The following PTPRN2 variants were observed in gnomAD, a reference collection of about 807,000 sequenced individuals.
PTPRN2 encodes the protein protein tyrosine phosphatase receptor type N2, also known as receptor-type tyrosine-protein phosphatase N2.
PTPRN2 carries 74 observed loss-of-function variants against 118.8 expected under a neutral mutation model. The ratio of observed to expected loss-of-function variants is 0.62; its 90% CI spans 0.52 to 0.76. The LOEUF (loss-of-function observed/expected upper bound fraction) is 0.76. Ranked by LOEUF, PTPRN2 falls within the 30% of genes least tolerant of loss-of-function variation. The pLI is 0.00. For missense variants in PTPRN2, 1,481 were observed against 1,394.4 expected (o/e 1.06, Z -0.99); for synonymous variants, 641 against 608.0 (o/e 1.05, Z -0.80).
intron 6 of PTPRN2, among the ~76,000 whole-genome samples, chr7:158,148,772 C>T (rs1820501378): frequency 1.0e-5 from 1 of 96,094 alleles, no homozygotes; most frequent in African/African-American, 4.2e-5. Context: ...GTGTCTTTCC[C>T]CCTCAATGAC....
At chr7:158,435,246 A>C (rs1816496857) in intron 2 of PTPRN2, among the ~76,000 whole-genome samples, 1 of 152,226 alleles carries the variant, frequency 6.6e-6, no homozygotes, top group Non-Finnish European at 1.5e-5. Context: ...GCTGCAACCC[A>C]ATAACCAAAA....
chr7:157,922,177 A>C (rs1798726808), intron 11 of PTPRN2, among the ~76,000 whole-genome samples: 1 of 152,206 alleles, frequency 6.6e-6, no homozygotes, highest in South Asian at 2.1e-4. Flanking sequence ...CTGCAGTGAA[A>C]CTTTCAGGAG....
chr7:158,055,739 C>T (rs1809733782), intron 11 of PTPRN2, among the ~76,000 whole-genome samples: 1 of 152,234 alleles, frequency 6.6e-6, no homozygotes, highest in Non-Finnish European at 1.5e-5. Context: ...CCTTACCTAT[C>T]ACTGGAGATG....
chr7:157,844,908 TTTG>T (rs747969715), intron 12 of PTPRN2, among the ~76,000 whole-genome samples: 1 of 152,170 alleles, frequency 6.6e-6, no homozygotes, highest in Non-Finnish European at 1.5e-5. Context: ...CTTTGTCTCT[TTTG>T]TTTTGTTATT....
At chr7:157,997,969 T>C (rs1475469341) in intron 11 of PTPRN2, among the ~76,000 whole-genome samples, 2 of 23,976 alleles carry the variant, frequency 8.3e-5, no homozygotes, top group African/African-American at 3.7e-4. Flanking sequence ...GAGAGGAGTG[T>C]GGGGCTGGGG....
intron 5 of PTPRN2, among the ~76,000 whole-genome samples, chr7:158,191,439 G>T (rs1335191476): frequency 6.6e-6 from 1 of 151,196 alleles, no homozygotes; most frequent in East Asian, 1.9e-4. Context: ...TGTCCCCAGG[G>T]CCATCCTGGG....
chr7:158,334,589 A>T (rs1805216318), intron 2 of PTPRN2, among the ~76,000 whole-genome samples: 1 of 107,740 alleles, frequency 9.3e-6, no homozygotes. Flanking sequence ...GGTCACTCAC[A>T]CCCACACTCT....
chr7:158,344,328 G>C (rs761540513), intron 2 of PTPRN2, among the ~76,000 whole-genome samples: 2 of 152,140 alleles, frequency 1.3e-5, no homozygotes, highest in Non-Finnish European at 2.9e-5. Flanking sequence ...GGATGGGGCT[G>C]AGCCATCATC....
chr7:157,898,558 A>G, intron 12 of PTPRN2, 115 bp downstream of exon 12: 1 of 1,108,826 alleles, frequency 9.0e-7, no homozygotes, highest in South Asian at 1.3e-5. Flanking sequence ...CCTCCCAGGA[A>G]AACAGGACCT....
At chr7:157,765,749 CCTT>C in intron 12 of PTPRN2, among the ~76,000 whole-genome samples, 1 of 148,990 alleles carries the variant, frequency 6.7e-6, no homozygotes, top group East Asian at 2.1e-4. Context: ...ATCCATCCAT[CCTT>C]CTTTCATCCA....
chr7:157,651,067 G>A (rs1416161901), intron 14 of PTPRN2, among the ~76,000 whole-genome samples: 2 of 152,356 alleles, frequency 1.3e-5, no homozygotes, highest in African/African-American at 4.8e-5. Flanking sequence ...CACGCATCAC[G>A]CGTCTCACGC....
intron 12 of PTPRN2, among the ~76,000 whole-genome samples, chr7:157,730,198 G>A (rs1046537142): frequency 5.1e-5 from 6 of 118,766 alleles, no homozygotes; most frequent in Non-Finnish European, 9.1e-5. Context: ...GCCCCCCCCC[G>A]GGCACTCGGG....
chr7:158,316,586 G>T (rs12671762), intron 3 of PTPRN2, among the ~76,000 whole-genome samples: 46,328 of 151,964 alleles, frequency 0.3, 7,887 homozygotes, highest in Admixed American at 0.43. Context: ...CAGCCTCCTG[G>T]CATCTCCTCC....
intron 11 of PTPRN2, among the ~76,000 whole-genome samples, chr7:158,067,672 G>A (rs950665964): frequency 2.0e-5 from 3 of 152,164 alleles, no homozygotes; most frequent in African/African-American, 7.2e-5. Flanking sequence ...TGCCTGTGGC[G>A]AAAGCTGCCA....
At chr7:158,122,178 C>T (rs548392102) in intron 9 of PTPRN2, among the ~76,000 whole-genome samples, 49 of 152,258 alleles carry the variant, frequency 3.2e-4, no homozygotes, top group African/African-American at 1.2e-3. Flanking sequence ...GCTAGGAGTG[C>T]CTGTGAGGGC....
rs369480789 is a variant in PTPRN2 at position 157,898,786 on chromosome 7, A to C, written c.1724-49T>G. The C allele has an allele frequency of 5.5e-5, 81 of 1,467,800 alleles. No individual in the cohort carries two copies. The African/African-American group carries it at 1.1e-3, about 20-fold the overall frequency. The allele number at this position is 1,467,800 out of a possible 1,614,324, so 90.9% of individuals were successfully genotyped here. A position where few individuals can be genotyped will look rare whatever the true frequency, so the allele number is the denominator to read the frequency against. The stretch of plus-strand genomic sequence containing the variant: ...CAAGAGTCAGGTTGGAGAGGTCCTC[A>C]GTCTCCGGGCACCTCTGAGTATTTT... On this transcript the variant is annotated intron_variant, in intron 11 of 22. Transcript: ENST00000389418.
In PTPRN2 at chr7:157,674,158, C is replaced by T. The variant is rs1170635524; in HGVS notation, c.2001+8567G>A. Among the ~76,000 whole-genome samples, 1 of 152,098 alleles carries T rather than the reference C, an allele frequency of 6.6e-6. No homozygotes were observed. The highest frequency in any genetic ancestry group is 2.4e-5 in the African/African-American group (1 of 41,404). ...TGTCAGCCATGGCAAAATGAACCCC[C>T]AACACAGCAGGGGAGGGAAGGAGGA... is the stretch of plus-strand genomic sequence containing the variant. On this transcript the variant is annotated intron_variant, in intron 13 of 22. Coordinates refer to ENST00000389418, the MANE Select transcript of PTPRN2 (RefSeq NM_002847.5). This position sits in a 1 kb window ranked among gnomAD's most constrained non-coding sequence, Gnocchi z 4.5.
At chr7:158,027,186 A>G (rs10949690) in intron 11 of PTPRN2, among the ~76,000 whole-genome samples, 119,577 of 152,166 alleles carry the variant, frequency 0.79, 47,417 homozygotes, top group Non-Finnish European at 0.85. Flanking sequence ...TGCCTAGGCC[A>G]GGCCCTGGTC....
intron 3 of PTPRN2, among the ~76,000 whole-genome samples, chr7:158,291,325 TTGA>T (rs1423808415): frequency 6.6e-6 from 1 of 152,232 alleles, no homozygotes; most frequent in Admixed American, 6.5e-5. Flanking sequence ...CACTCTTCCC[TTGA>T]TATACAAAGT....
Sources: allele counts gnomAD v4.1 joint callset (sites outside exome capture counted in the v4.1 genomes callset), GRCh38; gene constraint gnomAD v4.1.1; non-coding constraint Gnocchi (gnomAD v3.1); transcripts MANE v1.5; gene names NCBI Gene and HGNC (gene_info 2026-07-23, HGNC 2026-07-21).